The following DNAJB1 variants were observed in gnomAD, a reference collection of about 807,000 sequenced individuals.
The protein encoded by DNAJB1 is dnaJ homolog subfamily B member 1.
In DNAJB1, 14 loss-of-function variants were observed where a neutral mutation model predicts 24.0. That is an observed-to-expected ratio of 0.58 (90% CI 0.39 to 0.91). The LOEUF is 0.91. DNAJB1 is among the 40% of genes least tolerant of loss of function. The pLI is 0.00. For missense variants in DNAJB1, 517 were observed against 458.1 expected (o/e 1.13, Z -1.17); for synonymous variants, 262 against 174.4 (o/e 1.50, Z -3.96).
In DNAJB1 at chr19:14,528,733, A is replaced by G. The variant is rs572716943; in HGVS notation, c.-175+477T>C. Among the ~76,000 whole-genome samples, 4 of 151,884 alleles carry G rather than the reference A, an allele frequency of 2.6e-5. No individual in the cohort carries two copies. In the East Asian group the frequency reaches 7.9e-4, roughly 30 times the overall value. On this transcript the variant is annotated intron_variant, in intron 1 of 3. Transcript: ENST00000396969. Reference sequence around the variant, plus strand: ...GGCGGGAGGATCACCTGAGGTCAGGAGTTCAAGACCAGCCTGGCCAACCAT... The same window carrying G: ...GGCGGGAGGATCACCTGAGGTCAGGGGTTCAAGACCAGCCTGGCCAACCAT...
upstream of DNAJB1, among the ~76,000 whole-genome samples, chr19:14,553,758 C>T (rs939915405): frequency 6.6e-6 from 1 of 152,136 alleles, no homozygotes; most frequent in African/African-American, 2.4e-5. Context: ...ATGATCGGGC[C>T]AGGCCTCCGA....
chr19:14,521,989 A>C (rs909969675), upstream of DNAJB1, among the ~76,000 whole-genome samples: 12 of 152,048 alleles, frequency 7.9e-5, no homozygotes, highest in African/African-American at 1.2e-4. Flanking sequence ...ACAAACAAAC[A>C]AACCCAGTAA....
intron 1 of DNAJB1, among the ~76,000 whole-genome samples, chr19:14,528,906 G>A (rs1052104959): frequency 1.3e-5 from 2 of 152,138 alleles, no homozygotes; most frequent in Non-Finnish European, 2.9e-5. Flanking sequence ...TTGCGCCACT[G>A]CACTCCAGCT....
intron 1 of DNAJB1, among the ~76,000 whole-genome samples, chr19:14,559,223 T>C (rs759105474): frequency 6.6e-6 from 1 of 152,170 alleles, no homozygotes; most frequent in Non-Finnish European, 1.5e-5. Flanking sequence ...CATTTAAAAG[T>C]GAACAGTGGC....
chr19:14,531,009 T>A (rs1480395499), upstream of DNAJB1: 1 of 152,206 alleles, frequency 6.6e-6, no homozygotes, highest in Non-Finnish European at 1.5e-5. Context: ...AATTGACTAC[T>A]CTAGGTACCT....
upstream of DNAJB1, among the ~76,000 whole-genome samples, chr19:14,518,827 G>T (rs187839367): frequency 7.6e-4 from 116 of 152,368 alleles, no homozygotes; most frequent in African/African-American, 2.7e-3. Flanking sequence ...GAACCTGCTC[G>T]CCCTTGTCTC....
At chr19:14,557,455 C>CT (rs1225148151) in intron 1 of DNAJB1, among the ~76,000 whole-genome samples, 3 of 146,808 alleles carry the variant, frequency 2.0e-5, no homozygotes, top group Admixed American at 6.8e-5. Flanking sequence ...CATATTTATT[C>CT]TTTTTTTAAA....
intron 2 of DNAJB1, among the ~76,000 whole-genome samples, chr19:14,527,164 G>GTTT (rs2072440912): frequency 9.0e-5 from 5 of 55,730 alleles, no homozygotes; most frequent in Non-Finnish European, 1.5e-4. Flanking sequence ...AAATATCTCT[G>GTTT]CTTTTTTTTT....
At chr19:14,526,507 G>A (rs1253126717) in intron 2 of DNAJB1, among the ~76,000 whole-genome samples, 1 of 152,172 alleles carries the variant, frequency 6.6e-6, no homozygotes, top group Non-Finnish European at 1.5e-5. Flanking sequence ...TTTGGAGGCT[G>A]GATCTTGCCT....
At chr19:14,530,757 C>T (rs984871422), upstream of DNAJB1, 4 of 152,158 alleles carry the variant, frequency 2.6e-5, no homozygotes, top group African/African-American at 4.8e-5. Context: ...CTCACTTCCC[C>T]TCCAATTTAA....
intron 1 of DNAJB1, chr19:14,517,422 C>T (rs1239595861): frequency 3.1e-5 from 6 of 191,900 alleles, no homozygotes; most frequent in Non-Finnish European, 6.3e-5. Flanking sequence ...GCTAATGGTG[C>T]GTAGGAAGAG....
At position 14,523,908 on chromosome 19, in the gene DNAJB1, G is replaced by A. The variant is rs370732858; in HGVS notation, c.-90+3818C>T. ...CCAAGTGTTGGGATTACAGGCATAA[G>A]CCACCATGTCTGGCCTATAATAACA... is the stretch of plus-strand genomic sequence containing the variant. On this transcript the variant is annotated intron_variant, in intron 2 of 3. Transcript: ENST00000396969. 3.5e-4 allele frequency among the ~76,000 whole-genome samples: 53 copies of A among 152,310 alleles called. 1 individual carries two copies. The highest frequency in any genetic ancestry group is 3.4e-4 in the Non-Finnish European group (23 of 68,022).
intron 1 of DNAJB1, among the ~76,000 whole-genome samples, chr19:14,537,937 G>C (rs1008844290): frequency 2.0e-5 from 3 of 151,958 alleles, no homozygotes; most frequent in Non-Finnish European, 2.9e-5. Context: ...GTAGAGATGG[G>C]GTTTCACCAT....
At chr19:14,550,316 A>G (rs936911212) in exon 1 of DNAJB1, among the ~76,000 whole-genome samples, 4 of 152,100 alleles carry the variant, frequency 2.6e-5, no homozygotes, top group Non-Finnish European at 5.9e-5. Context: ...CGCCGCGTGT[A>G]TAAAGCCTGC....
chr19:14,518,945 C>T (rs1363764878), upstream of DNAJB1, among the ~76,000 whole-genome samples: 1 of 152,236 alleles, frequency 6.6e-6, no homozygotes. Context: ...ATAAGAGAAC[C>T]TATCAGGCCG....
At chr19:14,530,381 T>TC (rs2072588629), upstream of DNAJB1, 1 of 153,192 alleles carries the variant, frequency 6.5e-6, no homozygotes, top group African/African-American at 2.4e-5. Flanking sequence ...AACGAAGTCT[T>TC]CTGATGTGCT....
chr19:14,531,215 T>TACAA (rs1363343667), upstream of DNAJB1: 1 of 151,610 alleles, frequency 6.6e-6, no homozygotes, highest in Non-Finnish European at 1.5e-5. Context: ...TTTGTATTTT[T>TACAA]AGTAGAGATG....
chr19:14,530,055 C>A (rs974416993), upstream of DNAJB1: 1 of 428,512 alleles, frequency 2.3e-6, no homozygotes, highest in Non-Finnish European at 4.4e-6. Context: ...GCTCCCAATC[C>A]GAGGGAGTCT....
At position 14,536,267 on chromosome 19, in the gene DNAJB1, GT is replaced by G. The variant is rs201416657; in HGVS notation, c.-213-8458del. 4.4e-3 allele frequency among the ~76,000 whole-genome samples: 601 copies of G among 137,980 alleles called. 4 individuals are homozygous for G. The highest frequency in any genetic ancestry group is 0.01 in the African/African-American group (379 of 37,190). 90.5% of individuals were successfully genotyped at this position (137,980 alleles called of 152,430 possible). On this transcript the variant is annotated intron_variant, in intron 1 of 3. Coordinates refer to the DNAJB1 transcript ENST00000676982. ...GCAAGGTCTTTAGTTTCTCGAGCTAGTTTTTTTTTTTTTTTTTCGTGAGACA... is the reference window on the plus strand; with the variant it reads ...GCAAGGTCTTTAGTTTCTCGAGCTAGTTTTTTTTTTTTTTTTCGTGAGACA...
Sources: gnomAD v4.1 joint callset for allele counts (sites outside exome capture counted in the v4.1 genomes callset) on GRCh38, gnomAD v4.1.1 for gene constraint, MANE v1.5 for transcripts, NCBI Gene and HGNC (gene_info 2026-07-23, HGNC 2026-07-21) for gene names.